CLVS1: variants seen among roughly 807,000 people sequenced by gnomAD.
CLVS1 encodes clavesin 1.
A neutral mutation model predicts 33.1 loss-of-function variants in CLVS1; 10 were observed. The observed-to-expected ratio is 0.30, with a 90% CI of 0.19 to 0.51. CLVS1 has a LOEUF of 0.51. CLVS1 is among the 20% of genes least tolerant of loss of function. CLVS1 has a pLI of 0.97. For missense variants in CLVS1, 343 were observed against 433.4 expected (o/e 0.79, Z 1.85); for synonymous variants, 163 against 166.1 (o/e 0.98, Z 0.14).
chr8:61,042,576 A>G, the CLVS1 span, among the ~76,000 whole-genome samples: 2 of 100,752 alleles, frequency 2.0e-5, no homozygotes, highest in Non-Finnish European at 3.7e-5. Flanking sequence ...GTTATTGCCC[A>G]CCTCCCAATA....
chr8:61,185,492 A>C (rs771912230), intron 2 of CLVS1, among the ~76,000 whole-genome samples: 1 of 152,126 alleles, frequency 6.6e-6, no homozygotes, highest in Non-Finnish European at 1.5e-5. Flanking sequence ...ATCACGTCTT[A>C]CAAATGCAGC....
intron 2 of CLVS1, among the ~76,000 whole-genome samples, chr8:61,193,614 G>T (rs191364158): frequency 7.9e-5 from 12 of 152,128 alleles, no homozygotes; most frequent in Non-Finnish European, 1.3e-4. Flanking sequence ...TCAGTGTACT[G>T]TAAGAAAACA....
intron 2 of CLVS1, among the ~76,000 whole-genome samples, chr8:61,324,581 G>C (rs1204302894): frequency 6.6e-6 from 1 of 152,142 alleles, no homozygotes; most frequent in Non-Finnish European, 1.5e-5. Flanking sequence ...GAACTGAGTA[G>C]CAGGTAGAGG....
At chr8:61,246,120 G>C (rs1283333780) in intron 2 of CLVS1, among the ~76,000 whole-genome samples, 1 of 149,182 alleles carries the variant, frequency 6.7e-6, no homozygotes, top group African/African-American at 2.5e-5. Flanking sequence ...CTTCCAAGAC[G>C]AGGCAGGACA....
the CLVS1 span, among the ~76,000 whole-genome samples, chr8:60,999,328 G>T: frequency 6.6e-6 from 1 of 152,218 alleles, no homozygotes; most frequent in Non-Finnish European, 1.5e-5. Flanking sequence ...GGGGAGAGGT[G>T]TGACAGGCCA....
the CLVS1 span, among the ~76,000 whole-genome samples, chr8:61,018,806 C>G: frequency 6.6e-6 from 1 of 152,324 alleles, no homozygotes; most frequent in African/African-American, 2.4e-5. Flanking sequence ...ACATTTACCT[C>G]CATTCATGTT....
intron 3 of CLVS1, among the ~76,000 whole-genome samples, chr8:61,393,962 A>G (rs1243857814): frequency 1.3e-5 from 2 of 152,196 alleles, no homozygotes; most frequent in South Asian, 2.1e-4. Context: ...ATTGCCTGCA[A>G]TGCAATTTCT....
At position 61,183,280 on chromosome 8, in the gene CLVS1, A is replaced by G. The variant is rs557608083; in HGVS notation, c.-152+51420A>G. On this transcript the variant is annotated intron_variant, in intron 2 of 2. Transcript: ENST00000522621. ...ATGGCACACGTTTACCTGTGTAACA[A>G]ACCTGCATGTGCTGCACATGTATCC... is the stretch of plus-strand genomic sequence containing the variant. 2.6e-5 allele frequency among the ~76,000 whole-genome samples: 4 copies of G among 152,332 alleles called. No individual in the cohort carries two copies. In the East Asian group the frequency reaches 5.8e-4, roughly 22 times the overall value.
chr8:61,421,999 C>CTG (rs111849510), intron 3 of CLVS1, among the ~76,000 whole-genome samples: 3,646 of 152,176 alleles, frequency 0.024, 153 homozygotes, highest in African/African-American at 0.083. Context: ...AGTCAGGAAA[C>CTG]TGTTCAAATA....
intron 1 of CLVS1, among the ~76,000 whole-genome samples, chr8:61,295,491 A>G (rs1810162963): frequency 6.6e-6 from 1 of 152,186 alleles, no homozygotes; most frequent in African/African-American, 2.4e-5. Context: ...GCAACTGGAC[A>G]TCTGTAAGGC....
chr8:60,970,799 A>G, the CLVS1 span, among the ~76,000 whole-genome samples: 2 of 152,090 alleles, frequency 1.3e-5, no homozygotes, highest in African/African-American at 4.8e-5. Context: ...TCCTTGAATT[A>G]TTTTATTGGT....
At chr8:61,179,333 T>G (rs1176571569) in intron 2 of CLVS1, among the ~76,000 whole-genome samples, 1 of 152,174 alleles carries the variant, frequency 6.6e-6, no homozygotes, top group East Asian at 1.9e-4. Flanking sequence ...AGCACCAAGA[T>G]TCATAAAACA....
At chr8:61,432,845 C>G (rs1205331988) in intron 3 of CLVS1, among the ~76,000 whole-genome samples, 1 of 152,160 alleles carries the variant, frequency 6.6e-6, no homozygotes, top group Non-Finnish European at 1.5e-5. Context: ...AAAAGAAACA[C>G]AAGCCGCAGT....
At chr8:61,326,070 A>G (rs916379134) in intron 2 of CLVS1, among the ~76,000 whole-genome samples, 6 of 152,118 alleles carry the variant, frequency 3.9e-5, no homozygotes, top group Non-Finnish European at 5.9e-5. Flanking sequence ...CCCAGCCCAT[A>G]GAGATTTCCG....
chr8:61,417,007 G>C (rs778512919), intron 3 of CLVS1, among the ~76,000 whole-genome samples: 1 of 152,192 alleles, frequency 6.6e-6, no homozygotes, highest in Non-Finnish European at 1.5e-5. Flanking sequence ...TGTAGCAAGG[G>C]AGGTAATTGA....
chr8:61,323,111 C>G (rs16927178), intron 2 of CLVS1, among the ~76,000 whole-genome samples: 2 of 152,064 alleles, frequency 1.3e-5, no homozygotes, highest in Middle Eastern at 3.4e-3. Context: ...GTATGTTGAC[C>G]AGGTGGCTTT....
At chr8:61,400,546 C>T in intron 3 of CLVS1, among the ~76,000 whole-genome samples, 1 of 152,190 alleles carries the variant, frequency 6.6e-6, no homozygotes. Flanking sequence ...CCTGATTGCC[C>T]TGCCCTGAAC....
At chr8:61,097,740 T>C (rs1416214045) in intron 1 of CLVS1, among the ~76,000 whole-genome samples, 1 of 152,208 alleles carries the variant, frequency 6.6e-6, no homozygotes, top group Non-Finnish European at 1.5e-5. Context: ...TTATCTATGT[T>C]GGTGTAGACT....
chr8:61,391,681 C>T (rs530098352), intron 3 of CLVS1, among the ~76,000 whole-genome samples: 90 of 152,190 alleles, frequency 5.9e-4, no homozygotes, highest in African/African-American at 1.8e-3. Context: ...ATCCTTAATG[C>T]CCTAATCTGT....
Sources: gnomAD v4.1 joint callset for allele counts (sites outside exome capture counted in the v4.1 genomes callset) on GRCh38, gnomAD v4.1.1 for gene constraint, MANE v1.5 for transcripts, NCBI Gene and HGNC (gene_info 2026-07-23, HGNC 2026-07-21) for gene names.